The following XIAP variants were observed in gnomAD, a reference collection of about 807,000 sequenced individuals.
The protein encoded by XIAP is X-linked inhibitor of apoptosis.
In XIAP, 3 loss-of-function variants were observed where a neutral mutation model predicts 33.1. That is an observed-to-expected ratio of 0.09 (90% CI 0.04 to 0.23). The LOEUF is 0.23. Ranked by LOEUF, XIAP falls within the 10% of genes least tolerant of loss-of-function variation. The probability of loss-of-function intolerance (pLI) is 1.00; values close to 1 mark genes in which losing one functional copy is unlikely to be tolerated. For missense variants in XIAP, 264 were observed against 363.0 expected, an observed-to-expected ratio of 0.73 and a Z score of 2.22; for synonymous variants, 98 against 121.3, an observed-to-expected ratio of 0.81 and a Z score of 1.26.
chrX:123,911,135 A>G lies in XIAP; in HGVS notation c.*3954A>G, dbSNP rs1037846510. ...GCTAAAACTTAGAAAAAATTCTTAC[A>G]TGATAACTCAGTGATGCTTACTCAT... is the stretch of plus-strand genomic sequence containing the variant. On this transcript the variant is annotated 3_prime_UTR_variant, in exon 7 of 7. Transcript: ENST00000371199. 12 of 326,984 alleles carry G rather than the reference A, an allele frequency of 3.7e-5. No homozygotes were observed. The highest frequency in any genetic ancestry group is 9.4e-4 in the Middle Eastern group (1 of 1,061). 26.9% of individuals were successfully genotyped at this position (326,984 alleles called of 1,213,427 possible).
chrX:123,865,833 C>T (rs775181504), intron 1 of XIAP, among the ~76,000 whole-genome samples: 3 of 111,524 alleles, frequency 2.7e-5, no homozygotes, highest in Non-Finnish European at 5.7e-5. Flanking sequence ...CAGCTCACTG[C>T]AACCTCCACC....
At chrX:123,891,442 A>G (rs2053407201) in intron 4 of XIAP, 126 bp downstream of exon 4, 1 of 339,680 alleles carries the variant, frequency 2.9e-6, no homozygotes, top group Non-Finnish European at 5.1e-6. Context: ...ACAGTATAGT[A>G]TTATAAATCA....
chrX:123,865,305 G>A (rs1418610693), intron 1 of XIAP, among the ~76,000 whole-genome samples: 1 of 111,451 alleles, frequency 9.0e-6, no homozygotes, highest in Admixed American at 9.7e-5. Flanking sequence ...CCTACGTTGG[G>A]TACCACAGTA....
intron 1 of XIAP, among the ~76,000 whole-genome samples, chrX:123,883,496 CTTTTTTTTT>C (rs137863947): frequency 1.6e-5 from 1 of 64,342 alleles, no homozygotes; most frequent in African/African-American, 6.2e-5. Context: ...CTTTTCTTTT[CTTTTTTTTT>C]TTTTTTTTGA....
chrX:123,898,027 C>T (rs769862828), intron 5 of XIAP, among the ~76,000 whole-genome samples: 1 of 112,161 alleles, frequency 8.9e-6, no homozygotes, highest in Non-Finnish European at 1.9e-5. Context: ...ACATTTCCAC[C>T]TAGAATGCAT....
At position 123,912,039 on chromosome X, in the gene XIAP, G is replaced by A; in HGVS notation, c.*4858G>A. 3.0e-6 allele frequency: 1 copy of A among 328,475 alleles called. No individual in the cohort carries two copies. Among genetic ancestry groups the A allele is most frequent in the South Asian group, 2.6e-5 (1 of 38,460 alleles). The allele number at this position is 328,475 out of a possible 1,213,427, so 27.1% of individuals were successfully genotyped here. On this transcript the variant is annotated 3_prime_UTR_variant, in exon 7 of 7. Transcript: ENST00000371199. Reference sequence around the variant, plus strand: ...CTTCACCAAGCTACCTTTCTTGAAAGGTCCAAATGTTTATGTTTTCAACTA... The same window carrying A: ...CTTCACCAAGCTACCTTTCTTGAAAAGTCCAAATGTTTATGTTTTCAACTA...
rs771569566 is a variant in XIAP, at chrX:123,907,759, C to A, written c.*578C>A. On this transcript the variant is annotated 3_prime_UTR_variant, in exon 7 of 7. Coordinates refer to ENST00000371199, the MANE Select transcript of XIAP (RefSeq NM_001167.4). ...TAAAGTGATTTGCCATTTTTGAAAGCGTATTTAATGATAGAATACTATCGA... is the reference window on the plus strand; with the variant it reads ...TAAAGTGATTTGCCATTTTTGAAAGAGTATTTAATGATAGAATACTATCGA... The A allele has an allele frequency of 8.2e-5, 31 of 376,590 alleles. No homozygotes were observed. Among genetic ancestry groups the A allele is most frequent in the Non-Finnish European group, 1.5e-4 (30 of 200,082 alleles). 31.0% of individuals were successfully genotyped at this position (376,590 alleles called of 1,213,427 possible). A position where few individuals can be genotyped will look rare whatever the true frequency, so the allele number is the denominator to read the frequency against.
intron 6 of XIAP, among the ~76,000 whole-genome samples, chrX:123,901,871 C>T (rs1287252292): frequency 2.7e-5 from 3 of 110,737 alleles, no homozygotes; most frequent in South Asian, 3.9e-4. Context: ...CTCACTCTGT[C>T]GCCCAGGCTG....
At chrX:123,890,262 C>T (rs1319710997) in intron 3 of XIAP, among the ~76,000 whole-genome samples, 3 of 103,695 alleles carry the variant, frequency 2.9e-5, no homozygotes, top group South Asian at 4.4e-4. Context: ...GTGATCCGCC[C>T]GCCTCGGCCT....
At chrX:123,906,961 T>G (rs776338053) in intron 6 of XIAP, 27 bp from the exon 7 acceptor site, 13 of 1,204,725 alleles carry the variant, frequency 1.1e-5, no homozygotes, top group Admixed American at 2.2e-5. Context: ...AGTCTAAAAC[T>G]AGCATAATTA....
chrX:123,874,502 GAGA>G (rs933775716), intron 1 of XIAP: 27 of 111,092 alleles, frequency 2.4e-4, no homozygotes, highest in African/African-American at 7.9e-4. Flanking sequence ...GAATGATACA[GAGA>G]AGGTTAACAT....
At chrX:123,898,794 C>T (rs1204810473) in intron 5 of XIAP, among the ~76,000 whole-genome samples, 1 of 106,611 alleles carries the variant, frequency 9.4e-6, no homozygotes, top group Non-Finnish European at 1.9e-5. Flanking sequence ...CACCCAGCCT[C>T]CTCTCTTTCA....
chrX:123,876,705 TTAAATAAA>T (rs779561599), intron 1 of XIAP, among the ~76,000 whole-genome samples: 13 of 107,213 alleles, frequency 1.2e-4, no homozygotes, highest in Admixed American at 8.3e-4. Flanking sequence ...GCCTTGTCTT[TTAAATAAA>T]TAAATAAATA....
rs751917165 is a variant in XIAP at position 123,911,853 on chromosome X, CAG to C, written c.*4675_*4676del. ...AATGTGAATTTCTTCCTCAGCATAA[CAG>C]AGTTATAGAATGACAGGGCTGGAAG... On this transcript the variant is annotated 3_prime_UTR_variant, in exon 7 of 7. Coordinates refer to ENST00000371199, the MANE Select transcript of XIAP (RefSeq NM_001167.4). 64 of 327,526 alleles carry C rather than the reference CAG, an allele frequency of 2.0e-4. No homozygotes were observed. Among genetic ancestry groups the C allele is most frequent in the African/African-American group, 1.6e-3 (59 of 37,624 alleles). The allele number at this position is 327,526 out of a possible 1,213,427, so 27.0% of individuals were successfully genotyped here.
intron 1 of XIAP, among the ~76,000 whole-genome samples, chrX:123,883,651 C>T (rs1418974847): frequency 9.1e-6 from 1 of 109,613 alleles, no homozygotes; most frequent in Non-Finnish European, 1.9e-5. Context: ...CATGCTCCAC[C>T]ACGCCCAGCT....
At chrX:123,887,939 G>A (rs1301834316) in intron 2 of XIAP, among the ~76,000 whole-genome samples, 2 of 109,160 alleles carry the variant, frequency 1.8e-5, no homozygotes, top group Non-Finnish European at 1.9e-5. Flanking sequence ...AGCCGTGATC[G>A]CGCCATTGCA....
chrX:123,865,918 C>T (rs1014475450), intron 1 of XIAP, among the ~76,000 whole-genome samples: 4 of 107,088 alleles, frequency 3.7e-5, no homozygotes, highest in African/African-American at 1.3e-4. Context: ...CCACACCTGG[C>T]TAATTTTTTT....
chrX:123,880,447 A>T (rs1412861392), intron 1 of XIAP, among the ~76,000 whole-genome samples: 1 of 107,241 alleles, frequency 9.3e-6, no homozygotes, highest in African/African-American at 3.4e-5. Flanking sequence ...AATAAAAAAA[A>T]AAAAAGCAGC....
At chrX:123,871,598 A>G (rs1430118771) in intron 1 of XIAP, among the ~76,000 whole-genome samples, 4 of 108,159 alleles carry the variant, frequency 3.7e-5, no homozygotes, top group African/African-American at 1.4e-4. Context: ...CTCCCACCTC[A>G]TCCTCCCGAG....
Sources: allele counts gnomAD v4.1 joint callset (sites outside exome capture counted in the v4.1 genomes callset), GRCh38; gene constraint gnomAD v4.1.1; transcripts MANE v1.5; gene names NCBI Gene and HGNC (gene_info 2026-07-23, HGNC 2026-07-21).